SNX25: variants seen among roughly 807,000 people sequenced by gnomAD.
SNX25 encodes the protein sorting nexin 25, also known as sorting nexin-25.
Under a neutral mutation model 113.7 loss-of-function variants are expected in SNX25, and 62 were observed. The ratio of observed to expected loss-of-function variants is 0.55; its 90% confidence interval spans 0.44 to 0.67. The LOEUF is 0.67. Among genes scored for constraint, SNX25 ranks in the 30% least tolerant of loss-of-function variants. The pLI is 0.00. For missense variants in SNX25, 1,014 were observed against 1,161.0 expected, an observed-to-expected ratio of 0.87 and a Z score of 1.84; for synonymous variants, 421 against 436.2, an observed-to-expected ratio of 0.97 and a Z score of 0.43.
At chr4:185,217,212 C>CA (rs1358389304) in intron 1 of SNX25, among the ~76,000 whole-genome samples, 2 of 151,256 alleles carry the variant, frequency 1.3e-5, no homozygotes, top group African/African-American at 4.9e-5. Flanking sequence ...AAGGTCGCAC[C>CA]ACTGCACTCC....
downstream of SNX25, among the ~76,000 whole-genome samples, chr4:185,372,577 A>C (rs2095419521): frequency 6.6e-6 from 1 of 152,204 alleles, no homozygotes; most frequent in African/African-American, 2.4e-5. Flanking sequence ...TTCCCTTGGA[A>C]ATCCCAGTGT....
Position 185,264,837 on chromosome 4 carries a change from T to G in SNX25, c.904+227T>G, listed in dbSNP as rs193144660. On this transcript the variant is annotated intron_variant, in intron 4 of 18. Coordinates refer to ENST00000652585, the MANE Select transcript of SNX25 (RefSeq NM_001378034.2). ...ATGTTTTGACATAGAAAACAAGTTT[T>G]TATGCTCTTCACAGGGAAGCATTCA... is the stretch of plus-strand genomic sequence containing the variant. Among the ~76,000 whole-genome samples the G allele has an allele frequency of 5.0e-3, 758 of 152,332 alleles. 2 individuals are homozygous for G. Among genetic ancestry groups the G allele is most frequent in the South Asian group, 0.018 (88 of 4,830 alleles).
At chr4:185,314,582 G>C (rs1039557179) in intron 7 of SNX25, among the ~76,000 whole-genome samples, 8 of 152,054 alleles carry the variant, frequency 5.3e-5, no homozygotes, top group African/African-American at 1.9e-4. Flanking sequence ...AATGGAGGCT[G>C]GGCGCAGTGG....
chr4:185,362,106 G>A lies in SNX25; in HGVS notation c.2833+1G>A. 6.2e-7 allele frequency: 1 copy of A among 1,608,740 alleles called. No individual in the cohort carries two copies. Among genetic ancestry groups the A allele is most frequent in the Non-Finnish European group, 8.5e-7 (1 of 1,176,868 alleles). On this transcript the variant is annotated splice_donor_variant, in intron 17 of 18. Transcript: ENST00000652585. LOFTEE classifies it high-confidence loss of function. ...CAAAAGCTGCTTGAAAACATTCCAG[G>A]TGAGGCCTGGGCTATTAGCCTGAAA...
intron 14 of SNX25, among the ~76,000 whole-genome samples, chr4:185,352,060 G>C (rs2095318207): frequency 6.6e-6 from 1 of 152,194 alleles, no homozygotes; most frequent in South Asian, 2.1e-4. Context: ...GTTCACGCCA[G>C]GCTGAGAGTT....
chr4:185,232,297 G>T lies in SNX25; in HGVS notation c.430-14997G>T, dbSNP rs1392306559. 2.0e-5 allele frequency among the ~76,000 whole-genome samples: 3 copies of T among 152,096 alleles called. No homozygotes were observed. Among genetic ancestry groups the T allele is most frequent in the Non-Finnish European group, 4.4e-5 (3 of 68,030 alleles). The stretch of plus-strand genomic sequence containing the variant: ...TTCCTCATTGGTCTAGTACTACGGG[G>T]TTACAATCTTCCCGGACATCGCCTA... On this transcript the variant is annotated intron_variant, in intron 1 of 18. Coordinates refer to ENST00000652585, the MANE Select transcript of SNX25 (RefSeq NM_001378034.2). The surrounding 1 kb of genome is among the most constrained non-coding windows in gnomAD (Gnocchi z 4.4).
intron 10 of SNX25, among the ~76,000 whole-genome samples, chr4:185,337,635 A>G (rs535677861): frequency 3.9e-5 from 6 of 152,146 alleles, no homozygotes; most frequent in Non-Finnish European, 7.4e-5. Context: ...GCTGGGTTCT[A>G]TGCTAATTCT....
At chr4:185,353,446 A>G (rs766482213) in intron 14 of SNX25, 39 bp from the exon 15 acceptor site, 1 of 1,507,686 alleles carries the variant, frequency 6.6e-7, no homozygotes, top group Non-Finnish European at 9.2e-7. Flanking sequence ...ATTTTCTTGG[A>G]TAAGTTATCT....
At chr4:185,346,158 C>T (rs2095285260) in intron 12 of SNX25, among the ~76,000 whole-genome samples, 2 of 152,222 alleles carry the variant, frequency 1.3e-5, no homozygotes. Context: ...CACGCCCGGC[C>T]ATTTTCTATT....
chr4:185,271,373 G>C (rs574586894), intron 5 of SNX25, among the ~76,000 whole-genome samples: 54 of 152,302 alleles, frequency 3.5e-4, no homozygotes, highest in African/African-American at 1.3e-3. Flanking sequence ...CTGCCTCCGG[G>C]TTTAAGCGAT....
intron 13 of SNX25, 95 bp from the exon 14 acceptor site, chr4:185,351,349 AT>A: frequency 7.5e-7 from 1 of 1,328,384 alleles, no homozygotes; most frequent in East Asian, 2.3e-5. Context: ...ATGAAAGTAA[AT>A]TCGTGACAGC....
chr4:185,251,243 C>T (rs1745590180), intron 2 of SNX25, among the ~76,000 whole-genome samples: 1 of 152,166 alleles, frequency 6.6e-6, no homozygotes, highest in African/African-American at 2.4e-5. Flanking sequence ...GATCCGCTTG[C>T]CTCGGCCTCT....
intron 10 of SNX25, among the ~76,000 whole-genome samples, chr4:185,332,986 C>T (rs756547665): frequency 2.6e-5 from 4 of 152,190 alleles, no homozygotes; most frequent in African/African-American, 7.2e-5. Context: ...CTGTTCTTTA[C>T]ATCTGCTTTG....
intron 3 of SNX25, among the ~76,000 whole-genome samples, chr4:185,262,950 C>T (rs994978854): frequency 5.9e-5 from 9 of 152,226 alleles, no homozygotes; most frequent in African/African-American, 2.2e-4. Flanking sequence ...TGTCCACTTT[C>T]TAGAGGACAT....
chr4:185,374,475 A>G, downstream of SNX25: 2 of 1,605,026 alleles, frequency 1.2e-6, no homozygotes, highest in Non-Finnish European at 1.7e-6. Context: ...CGACAAAAGA[A>G]AGAGCAAAAA....
chr4:185,274,893 A>G (rs895663784), intron 5 of SNX25, among the ~76,000 whole-genome samples: 2 of 152,142 alleles, frequency 1.3e-5, no homozygotes, highest in African/African-American at 4.8e-5. Context: ...ATTTGAACTG[A>G]GGTCGGCCTG....
At chr4:185,318,793 A>G (rs890020507) in intron 7 of SNX25, among the ~76,000 whole-genome samples, 4 of 152,236 alleles carry the variant, frequency 2.6e-5, no homozygotes, top group Non-Finnish European at 5.9e-5. Context: ...TACCAAGTAA[A>G]TGCTGTGAAA....
chr4:185,324,583 G>C (rs1302390094), intron 9 of SNX25, among the ~76,000 whole-genome samples: 1 of 152,142 alleles, frequency 6.6e-6, no homozygotes, highest in Non-Finnish European at 1.5e-5. Context: ...CTGGAGGGGA[G>C]GTTATCTCGG....
chr4:185,338,057 T>A (rs1017751709), intron 10 of SNX25, among the ~76,000 whole-genome samples: 26 of 152,252 alleles, frequency 1.7e-4, no homozygotes, highest in Non-Finnish European at 8.8e-5. Flanking sequence ...TTCTATAATC[T>A]GGAGATGAAA....
Sources: gnomAD v4.1 joint callset for allele counts (sites outside exome capture counted in the v4.1 genomes callset) on GRCh38, gnomAD v4.1.1 for gene constraint, Gnocchi (gnomAD v3.1) non-coding constraint, MANE v1.5 for transcripts, NCBI Gene and HGNC (gene_info 2026-07-23, HGNC 2026-07-21) for gene names.